Variants in RGMA observed in about 807,000 individuals in gnomAD.
The protein encoded by RGMA is repulsive guidance molecule A.
In RGMA, 10 loss-of-function variants were observed where a neutral mutation model predicts 23.2. The ratio of observed to expected loss-of-function variants is 0.43; its 90% CI spans 0.27 to 0.73. RGMA has a LOEUF of 0.73. Ranked by LOEUF, RGMA falls within the 30% of genes least tolerant of loss-of-function variation. The probability of loss-of-function intolerance (pLI) is 0.20; values close to 1 mark genes in which losing one functional copy is unlikely to be tolerated. For synonymous variants in RGMA, 308 were observed against 279.3 expected (o/e 1.10, Z -1.03); for missense variants, 547 against 630.5 (o/e 0.87, Z 1.42).
chr15:93,044,761 G>A lies in RGMA; in HGVS notation c.*237C>T, dbSNP rs997765842. On this transcript the variant is annotated 3_prime_UTR_variant, in exon 4 of 4. Coordinates refer to ENST00000329082, the MANE Select transcript of RGMA (RefSeq NM_020211.3). Reference sequence around the variant, plus strand: ...ACACTGCAGGGGCGGGGCGAGGGGAGCTGCTCTCCCTCTCACACAGCTCTA... The same window carrying A: ...ACACTGCAGGGGCGGGGCGAGGGGAACTGCTCTCCCTCTCACACAGCTCTA... 7 of 573,572 alleles carry A rather than the reference G, an allele frequency of 1.2e-5. No homozygotes were observed. Among genetic ancestry groups the A allele is most frequent in the East Asian group, 2.9e-5 (1 of 34,830 alleles). The allele number at this position is 573,572 out of a possible 1,614,324, so 35.5% of individuals were successfully genotyped here. A position where few individuals can be genotyped will look rare whatever the true frequency, so the allele number is the denominator to read the frequency against.
At chr15:93,057,402 G>A (rs182246726) in intron 2 of RGMA, among the ~76,000 whole-genome samples, 2 of 152,148 alleles carry the variant, frequency 1.3e-5, no homozygotes, top group African/African-American at 4.8e-5. Flanking sequence ...AATGCTAAGC[G>A]TTCTCTCTCT....
At chr15:93,076,893 T>C (rs1895481258) in intron 1 of RGMA, among the ~76,000 whole-genome samples, 3 of 152,156 alleles carry the variant, frequency 2.0e-5, no homozygotes, top group Non-Finnish European at 4.4e-5. Context: ...GACAGATTAC[T>C]TAACAATCAC....
intron 1 of RGMA, among the ~76,000 whole-genome samples, chr15:93,080,774 C>G (rs921473624): frequency 3.3e-5 from 5 of 151,748 alleles, no homozygotes; most frequent in Admixed American, 6.6e-5. Context: ...ACCTGTCCTT[C>G]TCGACTTCCC....
chr15:93,041,726 A>G lies in RGMA; in HGVS notation c.*3272T>C, dbSNP rs2141781098. 1 of 152,192 alleles carries G rather than the reference A, an allele frequency of 6.6e-6. No individual in the cohort carries two copies. The highest frequency in any genetic ancestry group is 1.5e-5 in the Non-Finnish European group (1 of 68,024). 9.4% of individuals were successfully genotyped at this position (152,192 alleles called of 1,614,324 possible). The stretch of plus-strand genomic sequence containing the variant: ...GAGTCGCTCTGTCCCTGGGACTGCT[A>G]AGGGCACGGGGCCTGTAGTGACGGT... On this transcript the variant is annotated 3_prime_UTR_variant, in exon 4 of 4. Coordinates refer to ENST00000329082, the MANE Select transcript of RGMA (RefSeq NM_020211.3).
chr15:93,039,300 GGGAAGACATCGT>G lies in RGMA; in HGVS notation c.*5686_*5697del, dbSNP rs2054696509. ...ATTTCCCCAGGTGCTCAGACCCCTG[GGGAAGACATCGT>G]GGTCTCCTGTCAAGCTCGCTCTCTC... is the stretch of plus-strand genomic sequence containing the variant. On this transcript the variant is annotated 3_prime_UTR_variant, in exon 4 of 4. Coordinates refer to ENST00000329082, the MANE Select transcript of RGMA (RefSeq NM_020211.3). 11 of 152,050 alleles carry G rather than the reference GGGAAGACATCGT, an allele frequency of 7.2e-5. No homozygotes were observed. Among genetic ancestry groups the G allele is most frequent in the Admixed American group, 6.6e-4 (10 of 15,256 alleles). The allele number at this position is 152,050 out of a possible 1,614,324, so 9.4% of individuals were successfully genotyped here. A position where few individuals can be genotyped will look rare whatever the true frequency, so the allele number is the denominator to read the frequency against.
rs776745723 is a variant in RGMA, at chr15:93,052,498, G to A, written c.140C>T (p.Pro47Leu). Residue 47 changes from proline (P) to leucine (L), a missense_variant, in exon 3 of 4, where the codon CCG becomes CTG. By Grantham distance (98) the Pro-to-Leu change is moderately conservative. Transcript: ENST00000329082. Reference sequence around the variant, plus strand: ...AGAGTTGCACTTGAGGATCTTGCACGGGGAGGTGGCTGAGGAGAAAGGAAC... The same window carrying A: ...AGAGTTGCACTTGAGGATCTTGCACAGGGAGGTGGCTGAGGAGAAAGGAAC... ...LLCSFPAATS[P>L]CKILKCNSEF... 75 of 1,570,330 alleles carry A rather than the reference G, an allele frequency of 4.8e-5. No homozygotes were observed. Among genetic ancestry groups the A allele is most frequent in the Middle Eastern group, 1.7e-4 (1 of 6,010 alleles).
rs1359801586 is a variant in RGMA at position 93,046,613 on chromosome 15, T to A, written c.646-908A>T. Among the ~76,000 whole-genome samples the A allele has an allele frequency of 2.0e-5, 3 of 152,004 alleles. No individual in the cohort carries two copies. The East Asian group carries it at 5.8e-4, about 29-fold the overall frequency. ...TGTCTGAACATTACAGCAGGTGGAA[T>A]GGAGGGAAATGATGCTCAAAGAAAG... On this transcript the variant is annotated intron_variant, in intron 3 of 3. Transcript: ENST00000329082.
intron 2 of RGMA, among the ~76,000 whole-genome samples, chr15:93,063,289 G>T (rs140779309): frequency 1.3e-5 from 2 of 152,216 alleles, no homozygotes; most frequent in African/African-American, 2.4e-5. Flanking sequence ...TATGTCCCCC[G>T]TTCAAAGGAG....
chr15:93,084,055 T>A lies in RGMA; in HGVS notation c.14+4864A>T, dbSNP rs190305564. Among the ~76,000 whole-genome samples, 3 of 152,358 alleles carry A rather than the reference T, an allele frequency of 2.0e-5. No homozygotes were observed. The East Asian group carries it at 5.8e-4, about 29-fold the overall frequency. On this transcript the variant is annotated intron_variant, in intron 1 of 3. Coordinates refer to ENST00000329082, the MANE Select transcript of RGMA (RefSeq NM_020211.3). ...TTCCAAACAAATGTTAATTATTATT[T>A]TCAAGGTACTAATTATTTTGAGGAA...
intron 3 of RGMA, among the ~76,000 whole-genome samples, chr15:93,049,332 G>A (rs2054879874): frequency 6.6e-6 from 1 of 152,254 alleles, no homozygotes; most frequent in Non-Finnish European, 1.5e-5. Flanking sequence ...GAATCATGCA[G>A]AGGGACAGGC....
In RGMA at chr15:93,040,432, CT is replaced by C. The variant is rs1356719308; in HGVS notation, c.*4565del. 7.2e-5 allele frequency: 11 copies of C among 152,672 alleles called. No homozygotes were observed. The highest frequency in any genetic ancestry group is 2.7e-4 in the African/African-American group (11 of 41,476). The allele number at this position is 152,672 out of a possible 1,614,324, so 9.5% of individuals were successfully genotyped here. On this transcript the variant is annotated 3_prime_UTR_variant, in exon 4 of 4. Coordinates refer to ENST00000329082, the MANE Select transcript of RGMA (RefSeq NM_020211.3). Reference sequence around the variant, plus strand: ...CACCATCCCTTAAACTCCCCCTTTGCTGCTGCTGCTCTAGGGCTGTTACACT... The same window carrying C: ...CACCATCCCTTAAACTCCCCCTTTGCGCTGCTGCTCTAGGGCTGTTACACT...
intron 1 of RGMA, chr15:93,074,040 C>G: frequency 7.3e-7 from 1 of 1,370,858 alleles, no homozygotes; most frequent in Non-Finnish European, 9.4e-7. Context: ...CATCTCCTTC[C>G]CAAGGTTCCC....
intron 2 of RGMA, among the ~76,000 whole-genome samples, chr15:93,069,220 C>T (rs1468832275): frequency 1.3e-5 from 2 of 152,322 alleles, no homozygotes; most frequent in Non-Finnish European, 2.9e-5. Flanking sequence ...GGCGATTCTC[C>T]TGCCTCAGCC....
intron 3 of RGMA, among the ~76,000 whole-genome samples, chr15:93,050,734 G>A (rs1345995635): frequency 6.6e-6 from 1 of 152,186 alleles, no homozygotes; most frequent in Admixed American, 6.5e-5. Flanking sequence ...GGAGGAGCGA[G>A]CCACCTGGGG....
chr15:93,053,870 G>A (rs2054968954), intron 2 of RGMA, among the ~76,000 whole-genome samples: 1 of 152,184 alleles, frequency 6.6e-6, no homozygotes, highest in Non-Finnish European at 1.5e-5. Flanking sequence ...AATTTCAGGT[G>A]ATACCTAAGT....
intron 2 of RGMA, chr15:93,065,507 G>GTAC: frequency 1.7e-6 from 1 of 577,126 alleles, no homozygotes; most frequent in Non-Finnish European, 3.3e-6. Flanking sequence ...GGGGAACAGG[G>GTAC]TACTGGGTAG....
chr15:93,080,726 G>A (rs1348955661), intron 1 of RGMA, among the ~76,000 whole-genome samples: 2 of 152,098 alleles, frequency 1.3e-5, no homozygotes, highest in African/African-American at 2.4e-5. Flanking sequence ...CCACCCTTCC[G>A]TGGTATTTGG....
intron 1 of RGMA, 41 bp from the exon 2 acceptor site, chr15:93,073,072 G>T (rs1272403614): frequency 6.6e-7 from 1 of 1,511,710 alleles, no homozygotes. Flanking sequence ...AATAAATCAC[G>T]CTGCGAAGAA....
chr15:93,062,865 C>CAGA (rs1895014679), intron 2 of RGMA: 1 of 152,580 alleles, frequency 6.6e-6, no homozygotes, highest in Non-Finnish European at 1.5e-5. Context: ...CTCTGTGTCC[C>CAGA]AGCGGTCCCT....
Sources: gnomAD v4.1 joint callset for allele counts (sites outside exome capture counted in the v4.1 genomes callset) on GRCh38, gnomAD v4.1.1 for gene constraint, MANE v1.5 for transcripts, NCBI Gene and HGNC (gene_info 2026-07-23, HGNC 2026-07-21) for gene names.